The following WTAP variants were observed in gnomAD, a reference collection of about 807,000 sequenced individuals.
The protein encoded by WTAP is pre-mRNA-splicing regulator WTAP.
WTAP carries 8 observed loss-of-function variants against 50.0 expected under a neutral mutation model. The ratio of observed to expected loss-of-function variants is 0.16; its 90% confidence interval spans 0.09 to 0.29. The LOEUF (loss-of-function observed/expected upper bound fraction) is 0.29. Ranked by LOEUF, WTAP falls within the 10% of genes least tolerant of loss-of-function variation. The probability of loss-of-function intolerance (pLI) is 1.00; values close to 1 mark genes in which losing one functional copy is unlikely to be tolerated. For synonymous variants in WTAP, 194 were observed against 169.0 expected, an observed-to-expected ratio of 1.15 and a Z score of -1.15; for missense variants, 295 against 470.7, an observed-to-expected ratio of 0.63 and a Z score of 3.45.
At chr6:159,729,505 G>T (rs1778434841) in intron 1 of WTAP, among the ~76,000 whole-genome samples, 1 of 152,142 alleles carries the variant, frequency 6.6e-6, no homozygotes, top group Non-Finnish European at 1.5e-5. Flanking sequence ...GTAGTTAATA[G>T]AATTTAATCT....
intron 1 of WTAP, among the ~76,000 whole-genome samples, chr6:159,730,257 A>T (rs115835548): frequency 6.6e-6 from 1 of 152,228 alleles, no homozygotes; most frequent in Admixed American, 6.5e-5. Context: ...TGTGTGATTC[A>T]TAAGAACTGA....
chr6:159,737,356 A>G (rs562887606), intron 2 of WTAP, among the ~76,000 whole-genome samples: 8 of 152,268 alleles, frequency 5.3e-5, no homozygotes, highest in East Asian at 3.9e-4. Flanking sequence ...CAGCCTTTCA[A>G]TATGTTACAT....
intron 7 of WTAP, 100 bp from the exon 8 acceptor site, chr6:159,754,928 T>C (rs1212571805): frequency 1.3e-5 from 16 of 1,232,356 alleles, no homozygotes; most frequent in Non-Finnish European, 1.6e-5. Context: ...ATTTGTTTAC[T>C]TGAGCGTTTA....
intron 2 of WTAP, 43 bp from the exon 3 acceptor site, chr6:159,738,947 C>G: frequency 1.3e-6 from 2 of 1,487,688 alleles, no homozygotes; most frequent in Non-Finnish European, 9.3e-7. Flanking sequence ...AACTTTGTGT[C>G]TTCAGGAAGA....
intron 1 of WTAP, among the ~76,000 whole-genome samples, chr6:159,734,263 C>T (rs1050490522): frequency 6.6e-6 from 1 of 151,832 alleles, no homozygotes; most frequent in Non-Finnish European, 1.5e-5. Context: ...GCTCTCCTGC[C>T]TCAGCCTCCC....
intron 1 of WTAP, among the ~76,000 whole-genome samples, chr6:159,735,657 G>T (rs1778865591): frequency 6.6e-6 from 1 of 152,112 alleles, no homozygotes; most frequent in Non-Finnish European, 1.5e-5. Context: ...GCTGAGGCAG[G>T]AGAATTGCTT....
rs2114963471 is a variant in WTAP at position 159,755,760 on chromosome 6, CTTTTCTTTTTTTTTTTTTT to C, written c.*154_*172del. The C allele has an allele frequency of 3.5e-6, 1 of 281,890 alleles. No homozygotes were observed. The highest frequency in any genetic ancestry group is 9.3e-5 in the East Asian group (1 of 10,736). The allele number at this position is 281,890 out of a possible 1,614,324, so 17.5% of individuals were successfully genotyped here. On this transcript the variant is annotated 3_prime_UTR_variant, in exon 8 of 8. Coordinates refer to ENST00000621533, the MANE Select transcript of WTAP (RefSeq NM_001270531.2). ...TGTTTTTTTTCTTTGTTTTTTTTTT[CTTTTCTTTTTTTTTTTTTT>C]TTTTTTTTTTTGCTTCAATACTTCT...
Position 159,748,953 on chromosome 6 carries a change from G to A in WTAP, c.452+584G>A, listed in dbSNP as rs1279423317. On this transcript the variant is annotated intron_variant, in intron 6 of 7. Transcript: ENST00000621533. The surrounding 1 kb of genome is among the most constrained non-coding windows in gnomAD (Gnocchi z 5.6). ...AAATGAGGTGAATTTTGCCTTTAAA[G>A]GGTTTATTTGCTGAGAACCAACTTT... The A allele has an allele frequency of 7.2e-5, 78 of 1,089,708 alleles. No homozygotes were observed. The highest frequency in any genetic ancestry group is 8.6e-5 in the Non-Finnish European group (77 of 898,130). The allele number at this position is 1,089,708 out of a possible 1,614,324, so 67.5% of individuals were successfully genotyped here.
At chr6:159,735,791 T>C (rs943019254) in intron 1 of WTAP, among the ~76,000 whole-genome samples, 16 of 152,192 alleles carry the variant, frequency 1.1e-4, no homozygotes, top group Non-Finnish European at 1.5e-4. Context: ...TAAAAAACTA[T>C]TGGGCAGTAG....
Position 159,727,718 on chromosome 6 carries a change from G to A in WTAP, c.-9+15G>A. The A allele has an allele frequency of 1.0e-6, 1 of 985,546 alleles. No homozygotes were observed. The highest frequency in any genetic ancestry group is 1.2e-6 in the Non-Finnish European group (1 of 830,094). The allele number at this position is 985,546 out of a possible 1,614,324, so 61.1% of individuals were successfully genotyped here. A position where few individuals can be genotyped will look rare whatever the true frequency, so the allele number is the denominator to read the frequency against. On this transcript the variant is annotated intron_variant, in intron 1 of 7. Transcript: ENST00000621533. ...TGCCTGGAGAGGTAGGCGCGGGCCG[G>A]CTGGCGGGAGCGGACGCGGGGGACC...
chr6:159,755,730 T>G lies in WTAP; in HGVS notation c.*119T>G, dbSNP rs1471386935. 41 of 1,251,686 alleles carry G rather than the reference T, an allele frequency of 3.3e-5. No homozygotes were observed. The highest frequency in any genetic ancestry group is 3.2e-5 in the Non-Finnish European group (32 of 996,826). The allele number at this position is 1,251,686 out of a possible 1,614,324, so 77.5% of individuals were successfully genotyped here. A position where few individuals can be genotyped will look rare whatever the true frequency, so the allele number is the denominator to read the frequency against. On this transcript the variant is annotated 3_prime_UTR_variant, in exon 8 of 8. Transcript: ENST00000621533. ...TTGTGGGTGTACGTTTTGGTTTTTTTTTGTTGTTTTTTTTCTTTGTTTTTT... is the reference window on the plus strand; with the variant it reads ...TTGTGGGTGTACGTTTTGGTTTTTTGTTGTTGTTTTTTTTCTTTGTTTTTT...
intron 4 of WTAP, among the ~76,000 whole-genome samples, chr6:159,742,696 A>T (rs1394211360): frequency 6.6e-6 from 1 of 152,208 alleles, no homozygotes; most frequent in Admixed American, 6.5e-5. Flanking sequence ...TTGTAACTTC[A>T]GAAGGGTTAA....
At chr6:159,727,405 CAGT>C, upstream of WTAP, 1 of 1,208,754 alleles carries the variant, frequency 8.3e-7, no homozygotes, top group Non-Finnish European at 1.1e-6. Flanking sequence ...AGGCGGGAGG[CAGT>C]GGCGCTGGCC....
chr6:159,738,867 A>G, intron 2 of WTAP, 123 bp from the exon 3 acceptor site: 1 of 622,892 alleles, frequency 1.6e-6, no homozygotes, highest in South Asian at 3.6e-5. Flanking sequence ...ATACTTTTTC[A>G]AAAAATCATA....
At chr6:159,739,868 C>T (rs146033055) in intron 3 of WTAP, among the ~76,000 whole-genome samples, 2,753 of 115,574 alleles carry the variant, frequency 0.024, 58 homozygotes, top group Middle Eastern at 0.075. Flanking sequence ...GCCATAATCT[C>T]ATACATAGGA....
At chr6:159,747,081 T>C (rs1779619769) in intron 5 of WTAP, among the ~76,000 whole-genome samples, 2 of 152,226 alleles carry the variant, frequency 1.3e-5, no homozygotes, top group Non-Finnish European at 2.9e-5. Flanking sequence ...CTTAGTATAT[T>C]TGTTCCTTTT....
chr6:159,739,824 C>CTTTTTTTTT (rs56389349), intron 3 of WTAP, among the ~76,000 whole-genome samples: 6 of 85,186 alleles, frequency 7.0e-5, no homozygotes, highest in Non-Finnish European at 1.1e-4. Flanking sequence ...CACTTTTTAC[C>CTTTTTTTTT]TTTTTTTTTT....
chr6:159,726,918 C>A, upstream of WTAP: 1 of 1,288,886 alleles, frequency 7.8e-7, no homozygotes, highest in Non-Finnish European at 1.0e-6. Flanking sequence ...TGAGGTGGCA[C>A]CTGGTCCTCC....
At chr6:159,750,178 G>C (rs1453831378) in intron 6 of WTAP, among the ~76,000 whole-genome samples, 1 of 152,182 alleles carries the variant, frequency 6.6e-6, no homozygotes, top group East Asian at 1.9e-4. Context: ...TTATGTGCTT[G>C]CATTAAGGCT....
Sources: gnomAD v4.1 joint callset for allele counts (sites outside exome capture counted in the v4.1 genomes callset) on GRCh38, gnomAD v4.1.1 for gene constraint, Gnocchi (gnomAD v3.1) non-coding constraint, MANE v1.5 for transcripts, NCBI Gene and HGNC (gene_info 2026-07-23, HGNC 2026-07-21) for gene names.